Variants in NCAN observed in about 807,000 individuals in gnomAD.
The protein encoded by NCAN is neurocan.
In NCAN, 47 loss-of-function variants were observed where a neutral mutation model predicts 121.8. The ratio of observed to expected loss-of-function variants is 0.39; its 90% CI spans 0.31 to 0.49. The LOEUF (loss-of-function observed/expected upper bound fraction) is 0.49. NCAN is among the 20% of genes least tolerant of loss of function. NCAN has a pLI of 0.92. For missense variants in NCAN, 1,517 were observed against 1,773.4 expected, an observed-to-expected ratio of 0.86 and a Z score of 2.60; for synonymous variants, 633 against 702.0, an observed-to-expected ratio of 0.90 and a Z score of 1.55.
chr19:19,225,329 C>T lies in NCAN; in HGVS notation c.1072+59C>T. ...GCTTTCACTTTGGCGAAGGCCACGT[C>T]CCTGAAAGCCTCGCCAAGCCAAGGG... On this transcript the variant is annotated intron_variant, in intron 6 of 14. Coordinates refer to ENST00000252575, the MANE Select transcript of NCAN (RefSeq NM_004386.3). The surrounding 1 kb of genome is among the most constrained non-coding windows in gnomAD (Gnocchi z 4.0). 6.9e-7 allele frequency: 1 copy of T among 1,448,294 alleles called. No homozygotes were observed. Among genetic ancestry groups the T allele is most frequent in the Non-Finnish European group, 9.0e-7 (1 of 1,113,326 alleles). 89.7% of individuals were successfully genotyped at this position (1,448,294 alleles called of 1,614,324 possible).
intron 1 of NCAN, among the ~76,000 whole-genome samples, chr19:19,216,602 G>A (rs528757580): frequency 4.4e-4 from 67 of 152,062 alleles, no homozygotes; most frequent in African/African-American, 1.6e-3. Flanking sequence ...GAGCCACCAC[G>A]CCTGGCTGCT....
At chr19:19,243,225 T>C (rs2060910218) in intron 12 of NCAN, among the ~76,000 whole-genome samples, 2 of 151,374 alleles carry the variant, frequency 1.3e-5, no homozygotes, top group African/African-American at 4.9e-5. Context: ...GATGAAAAAG[T>C]TCTGGAAATA....
intron 13 of NCAN, 110 bp from the exon 14 acceptor site, chr19:19,248,590 A>G: frequency 9.0e-7 from 1 of 1,109,110 alleles, no homozygotes; most frequent in Non-Finnish European, 1.3e-6. Context: ...GCGCCACTGC[A>G]CTCCAGTCTG....
At chr19:19,229,080 C>T (rs2060848910) in intron 8 of NCAN, among the ~76,000 whole-genome samples, 1 of 152,192 alleles carries the variant, frequency 6.6e-6, no homozygotes, top group Non-Finnish European at 1.5e-5. Context: ...TGGTGGCACA[C>T]ACCTGTAATC....
chr19:19,249,359 C>A (rs558162301), intron 14 of NCAN, among the ~76,000 whole-genome samples: 1 of 149,990 alleles, frequency 6.7e-6, no homozygotes, highest in Non-Finnish European at 1.5e-5. Context: ...GCGTGAGCCA[C>A]CACATCCGGC....
chr19:19,233,852 C>T lies in NCAN; in HGVS notation c.3083C>T (p.Thr1028Ile). 1 of 1,614,072 alleles carries T rather than the reference C, an allele frequency of 6.2e-7. No homozygotes were observed. The highest frequency in any genetic ancestry group is 8.5e-7 in the Non-Finnish European group (1 of 1,179,942). ...LHGGTCNANGTMYGCSCDQGF... is the reference protein window; with the variant it reads ...LHGGTCNANGIMYGCSCDQGF... ...GGAGGGACATGTAATGCCAATGGCA[C>T]CATGTATGGCTGTAGCTGTGATCAG... Residue 1028 changes from threonine (T) to isoleucine (I), a missense_variant, in exon 9 of 15, where the codon ACC (threonine) becomes ATC (isoleucine). Thr to Ile is a moderately conservative substitution (Grantham distance 89). Coordinates refer to ENST00000252575, the MANE Select transcript of NCAN (RefSeq NM_004386.3).
chr19:19,218,805 T>G, intron 2 of NCAN, 110 bp from the exon 3 acceptor site: 1 of 1,171,808 alleles, frequency 8.5e-7, no homozygotes, highest in Non-Finnish European at 1.1e-6. Flanking sequence ...TGGCCCTAGG[T>G]TCAAATTCTG....
rs2229851 is a variant in NCAN at position 19,240,622 on chromosome 19, G to A, written c.3429G>A (p.Thr1143=). Residue 1143 remains threonine, a synonymous_variant, in exon 12 of 15, where the codon ACG becomes ACA. Coordinates refer to ENST00000252575, the MANE Select transcript of NCAN (RefSeq NM_004386.3). The part of the protein sequence containing the change: ...SFINSFGHEN[T]WIGLNDRIVE... ...CTGCAGGCTTTGGGCATGAAAACAC[G>A]TGGATCGGCCTGAACGACAGGATCG... 0.047 allele frequency: 75,857 copies of A among 1,614,022 alleles called. 2,350 individuals carry two copies. The highest frequency in any genetic ancestry group is 0.12 in the East Asian group (5,296 of 44,872).
Position 19,227,938 on chromosome 19 carries a change from C to A in NCAN, c.2318C>A (p.Ala773Asp). 6.2e-7 allele frequency: 1 copy of A among 1,613,536 alleles called. No individual in the cohort carries two copies. The highest frequency in any genetic ancestry group is 8.5e-7 in the Non-Finnish European group (1 of 1,180,008). ...TAESPTSGLQ[A>D]TVDEVQDPWP... ...GAAAGCCCCACTTCTGGCTTGCAGGCCACTGTAGATGAGGTGCAGGACCCC... is the reference window on the plus strand; with the variant it reads ...GAAAGCCCCACTTCTGGCTTGCAGGACACTGTAGATGAGGTGCAGGACCCC... Residue 773 changes from alanine to aspartate, a missense_variant, in exon 8 of 15, where the codon GCC (alanine) becomes GAC (aspartate). Coordinates refer to ENST00000252575, the MANE Select transcript of NCAN (RefSeq NM_004386.3). This position sits in a 1 kb window ranked among gnomAD's most constrained non-coding sequence, Gnocchi z 4.2.
intron 2 of NCAN, among the ~76,000 whole-genome samples, chr19:19,217,805 G>C (rs1057172695): frequency 2.0e-5 from 3 of 152,216 alleles, no homozygotes; most frequent in Middle Eastern, 3.4e-3. Flanking sequence ...TGCCTAACAT[G>C]GTGAAACTCC....
At chr19:19,247,070 C>A (rs535580356) in intron 13 of NCAN, among the ~76,000 whole-genome samples, 4 of 151,996 alleles carry the variant, frequency 2.6e-5, no homozygotes, top group Non-Finnish European at 4.4e-5. Context: ...TCCTCCCCCC[C>A]ATTTATTCAT....
chr19:19,217,769 T>C (rs931480506), intron 2 of NCAN, among the ~76,000 whole-genome samples: 14 of 152,168 alleles, frequency 9.2e-5, no homozygotes, highest in Non-Finnish European at 1.6e-4. Flanking sequence ...GGCAGATCAC[T>C]TGAGGTCAGG....
At chr19:19,229,379 G>A (rs750728962) in intron 8 of NCAN, among the ~76,000 whole-genome samples, 1 of 152,186 alleles carries the variant, frequency 6.6e-6, no homozygotes, top group Non-Finnish European at 1.5e-5. Context: ...GGACACAGAC[G>A]CCTCCCAGGC....
chr19:19,226,002 T>G (rs1280276087), intron 6 of NCAN, among the ~76,000 whole-genome samples: 1 of 151,912 alleles, frequency 6.6e-6, no homozygotes, highest in African/African-American at 2.4e-5. Context: ...TGATCTCGGC[T>G]CACTGCAACC....
chr19:19,233,656 G>T, intron 8 of NCAN, 133 bp from the exon 9 acceptor site: 3 of 632,820 alleles, frequency 4.7e-6, no homozygotes, highest in Non-Finnish European at 8.7e-6. Context: ...GGTGACCGCT[G>T]GTTGGGGAAG....
At chr19:19,229,282 C>T (rs1028791754) in intron 8 of NCAN, among the ~76,000 whole-genome samples, 6 of 152,192 alleles carry the variant, frequency 3.9e-5, no homozygotes, top group African/African-American at 1.4e-4. Flanking sequence ...AGTTCAGGTA[C>T]AAGCCATGTC....
chr19:19,245,400 C>A lies in NCAN; in HGVS notation c.3580C>A (p.Arg1194Ser), dbSNP rs139427012. ...CVVMVAHESG[R>S]WNDVPCNYNL... ...GGTGATGGTGGCGCATGAAAGCGGG[C>A]GCTGGAACGATGTCCCCTGCAACTA... Residue 1194 changes from arginine (R) to serine (S), a missense_variant, in exon 13 of 15, where the codon CGC becomes AGC. Transcript: ENST00000252575. The A allele has an allele frequency of 3.1e-6, 5 of 1,614,068 alleles. No individual in the cohort carries two copies. The highest frequency in any genetic ancestry group is 4.2e-6 in the Non-Finnish European group (5 of 1,180,042).
At chr19:19,240,742 G>A (rs2060900470) in intron 12 of NCAN, 57 bp downstream of exon 12, 1 of 1,555,364 alleles carries the variant, frequency 6.4e-7, no homozygotes, top group Non-Finnish European at 8.9e-7. Flanking sequence ...CTGCCATCTG[G>A]CCTCAGTTTA....
intron 8 of NCAN, among the ~76,000 whole-genome samples, chr19:19,229,263 T>C (rs2060849665): frequency 6.6e-6 from 1 of 152,152 alleles, no homozygotes; most frequent in Non-Finnish European, 1.5e-5. Context: ...AGAGTCTGAT[T>C]TGGGGATGAG....
Sources: gnomAD v4.1 joint callset for allele counts (sites outside exome capture counted in the v4.1 genomes callset) on GRCh38, gnomAD v4.1.1 for gene constraint, Gnocchi (gnomAD v3.1) non-coding constraint, MANE v1.5 for transcripts, NCBI Gene and HGNC (gene_info 2026-07-23, HGNC 2026-07-21) for gene names.